FAM135A: variants seen among roughly 807,000 people sequenced by gnomAD.
FAM135A encodes protein FAM135A.
Under a neutral mutation model 146.8 loss-of-function variants are expected in FAM135A, and 79 were observed. The ratio of observed to expected loss-of-function variants is 0.54; its 90% CI spans 0.45 to 0.65. The LOEUF is 0.65. Ranked by LOEUF, FAM135A falls within the 30% of genes least tolerant of loss-of-function variation. The pLI, the probability that FAM135A is intolerant of heterozygous loss-of-function variation, is 0.00. For missense variants in FAM135A, 1,623 were observed against 1,758.2 expected, an observed-to-expected ratio of 0.92 and a Z score of 1.38; for synonymous variants, 562 against 603.6, an observed-to-expected ratio of 0.93 and a Z score of 1.01.
Position 70,426,096 on chromosome 6 carries a change from C to G in FAM135A, c.-133-343C>G, listed in dbSNP as rs917198693. On this transcript the variant is annotated intron_variant, in intron 2 of 21. Coordinates refer to ENST00000418814, the MANE Select transcript of FAM135A (RefSeq NM_001162529.3). Reference sequence around the variant, plus strand: ...CCGCAGTCTGGCCTGGGCGACAGAGCGAGACTCCGTCTCAAAAAAAAAAAA... The same window carrying G: ...CCGCAGTCTGGCCTGGGCGACAGAGGGAGACTCCGTCTCAAAAAAAAAAAA... Among the ~76,000 whole-genome samples, 9 of 145,934 alleles carry G rather than the reference C, an allele frequency of 6.2e-5. 1 individual carries two copies. The highest frequency in any genetic ancestry group is 2.1e-4 in the African/African-American group (8 of 38,776).
intron 16 of FAM135A, among the ~76,000 whole-genome samples, chr6:70,529,157 C>G (rs971030585): frequency 4.6e-5 from 7 of 151,768 alleles, no homozygotes; most frequent in African/African-American, 1.7e-4. Context: ...CTAGAAAAAT[C>G]GGTATTTCTA....
Position 70,535,982 on chromosome 6 carries a change from G to A in FAM135A, c.3966-278G>A, listed in dbSNP as rs113754679. On this transcript the variant is annotated intron_variant, in intron 18 of 21. Transcript: ENST00000418814. ...GTCATTATATTATTATCTTTAATACGTACTTATATCTAAGCAGTTACAAAC... is the reference window on the plus strand; with the variant it reads ...GTCATTATATTATTATCTTTAATACATACTTATATCTAAGCAGTTACAAAC... 700 of 234,998 alleles carry A rather than the reference G, an allele frequency of 3.0e-3. 5 individuals are homozygous for A. Among genetic ancestry groups the A allele is most frequent in the African/African-American group, 0.015 (652 of 44,310 alleles). 14.6% of individuals were successfully genotyped at this position (234,998 alleles called of 1,614,324 possible).
chr6:70,453,116 A>G (rs1777499844), intron 5 of FAM135A, among the ~76,000 whole-genome samples: 1 of 152,176 alleles, frequency 6.6e-6, no homozygotes, highest in South Asian at 2.1e-4. Flanking sequence ...TGGCCCTGAC[A>G]TAATTAGTGG....
intron 20 of FAM135A, among the ~76,000 whole-genome samples, chr6:70,552,369 C>A (rs1338176704): frequency 6.6e-6 from 1 of 151,038 alleles, no homozygotes; most frequent in Non-Finnish European, 1.5e-5. Flanking sequence ...CATGCCTGTA[C>A]ACAACTGTTA....
At chr6:70,450,713 G>GTT (rs1192559967) in intron 4 of FAM135A, among the ~76,000 whole-genome samples, 10 of 29,838 alleles carry the variant, frequency 3.4e-4, no homozygotes, top group Admixed American at 8.7e-4. Flanking sequence ...GACCCTTTTA[G>GTT]TTGTTTTTTT....
chr6:70,436,184 CAAAAAAAAA>C (rs34761222), intron 4 of FAM135A, among the ~76,000 whole-genome samples: 2 of 64,036 alleles, frequency 3.1e-5, no homozygotes, highest in African/African-American at 6.4e-5. Context: ...GATTCTGTCT[CAAAAAAAAA>C]AAAAAAAAAG....
At chr6:70,499,548 A>G (rs1196285824) in intron 11 of FAM135A, among the ~76,000 whole-genome samples, 1 of 152,164 alleles carries the variant, frequency 6.6e-6, no homozygotes, top group Admixed American at 6.5e-5. Flanking sequence ...TATTTTGCCC[A>G]TTAGTCAATG....
At chr6:70,483,546 ATCT>A (rs1005616161) in intron 10 of FAM135A, among the ~76,000 whole-genome samples, 2 of 152,184 alleles carry the variant, frequency 1.3e-5, no homozygotes, top group African/African-American at 4.8e-5. Context: ...ATTTTTAAAA[ATCT>A]TCTTTTGAAA....
chr6:70,428,270 G>T, intron 3 of FAM135A, 34 bp from the exon 4 acceptor site: 2 of 1,025,678 alleles, frequency 1.9e-6, no homozygotes, highest in Non-Finnish European at 2.8e-6. Context: ...TTTTTGTTAC[G>T]CTTCTCATGA....
chr6:70,549,734 G>A (rs888932713), intron 20 of FAM135A, among the ~76,000 whole-genome samples: 2 of 152,094 alleles, frequency 1.3e-5, no homozygotes, highest in African/African-American at 4.8e-5. Context: ...TGAAGATAGA[G>A]GTGGCTATGG....
intron 8 of FAM135A, among the ~76,000 whole-genome samples, chr6:70,480,475 T>G (rs1313481636): frequency 6.6e-6 from 1 of 152,138 alleles, no homozygotes; most frequent in Non-Finnish European, 1.5e-5. Flanking sequence ...ATTTAGTAAT[T>G]TTTCTTTTTC....
At chr6:70,539,759 C>G (rs558387384) in intron 20 of FAM135A, among the ~76,000 whole-genome samples, 19 of 151,854 alleles carry the variant, frequency 1.3e-4, no homozygotes, top group Non-Finnish European at 2.4e-4. Context: ...ACTTTGGGAG[C>G]CTGAGGCGGG....
intron 2 of FAM135A, among the ~76,000 whole-genome samples, chr6:70,423,142 G>A (rs577295498): frequency 2.0e-5 from 3 of 152,288 alleles, no homozygotes; most frequent in African/African-American, 7.2e-5. Context: ...GAGGCCCTGA[G>A]ACAGGAATAT....
intron 10 of FAM135A, among the ~76,000 whole-genome samples, chr6:70,489,272 A>G (rs1247514625): frequency 2.0e-5 from 3 of 152,190 alleles, no homozygotes; most frequent in Non-Finnish European, 4.4e-5. Flanking sequence ...AAAGCCCAAT[A>G]TTAGAAGCCA....
At chr6:70,541,183 AT>A (rs1432541714) in intron 20 of FAM135A, among the ~76,000 whole-genome samples, 1 of 152,004 alleles carries the variant, frequency 6.6e-6, no homozygotes, top group Non-Finnish European at 1.5e-5. Context: ...AGTTATTCCC[AT>A]TTCTTCCATC....
At chr6:70,500,670 G>A (rs564951366) in intron 11 of FAM135A, among the ~76,000 whole-genome samples, 1 of 152,122 alleles carries the variant, frequency 6.6e-6, no homozygotes, top group Non-Finnish European at 1.5e-5. Context: ...TTTTGTGTGG[G>A]GGTCCTTTTT....
chr6:70,446,065 C>G (rs1381361686), intron 4 of FAM135A, among the ~76,000 whole-genome samples: 1 of 152,240 alleles, frequency 6.6e-6, no homozygotes, highest in Non-Finnish European at 1.5e-5. Flanking sequence ...AGCTGCTAAT[C>G]TGTCTGCAGC....
At chr6:70,537,422 G>T (rs1333647909) in intron 19 of FAM135A, among the ~76,000 whole-genome samples, 1 of 151,846 alleles carries the variant, frequency 6.6e-6, no homozygotes, top group Non-Finnish European at 1.5e-5. Flanking sequence ...CATTTTTCCT[G>T]TATCCCATTT....
chr6:70,505,307 A>C (rs1789510993), intron 12 of FAM135A, among the ~76,000 whole-genome samples: 1 of 152,136 alleles, frequency 6.6e-6, no homozygotes, highest in South Asian at 2.1e-4. Context: ...CAATCATCTT[A>C]CTAATGTTTT....
Sources: allele counts gnomAD v4.1 joint callset (sites outside exome capture counted in the v4.1 genomes callset), GRCh38; gene constraint gnomAD v4.1.1; transcripts MANE v1.5; gene names NCBI Gene and HGNC (gene_info 2026-07-23, HGNC 2026-07-21).